The following PRKCQ variants were observed in gnomAD, a reference collection of about 807,000 sequenced individuals.
PRKCQ encodes protein kinase C theta.
Under a neutral mutation model 91.2 loss-of-function variants are expected in PRKCQ, and 41 were observed. That is an observed-to-expected ratio of 0.45 (90% confidence interval 0.35 to 0.58). The LOEUF (loss-of-function observed/expected upper bound fraction) is 0.58. Ranked by LOEUF, PRKCQ falls within the 20% of genes least tolerant of loss-of-function variation. The pLI, the probability that PRKCQ is intolerant of heterozygous loss-of-function variation, is 0.00. For missense variants in PRKCQ, 673 were observed against 896.5 expected (o/e 0.75, Z 3.18); for synonymous variants, 307 against 316.9 (o/e 0.97, Z 0.33).
chr10:6,491,768 T>G lies in PRKCQ; in HGVS notation c.705A>C (p.Lys235Asn), dbSNP rs1462457667. 3.1e-6 allele frequency: 5 copies of G among 1,614,214 alleles called. No individual in the cohort carries two copies. In the South Asian group the frequency reaches 5.5e-5, roughly 18 times the overall value. The change falls in exon 8 of 18, where the codon AAA becomes AAC. Residue 235 changes from lysine (K) to asparagine (N), a missense_variant. Lys to Asn is a moderately conservative substitution (Grantham distance 94). Transcript: ENST00000263125. ...RFKIDMPHRFKVYNYKSPTFC... is the reference protein window; with the variant it reads ...RFKIDMPHRFNVYNYKSPTFC... ...AGGTCGGGCTCTTGTAATTGTAGAC[T>G]TTAAATCTGTGTGGCATGTCAATTT... is the stretch of plus-strand genomic sequence containing the variant.
the PRKCQ span, among the ~76,000 whole-genome samples, chr10:6,404,689 CTT>C: frequency 1.5e-5 from 2 of 134,786 alleles, no homozygotes; most frequent in African/African-American, 5.9e-5. Flanking sequence ...TTCTTCCTTC[CTT>C]TCTTTCCTTT....
intron 1 of PRKCQ, among the ~76,000 whole-genome samples, chr10:6,555,313 G>T (rs567683046): frequency 7.2e-5 from 11 of 151,754 alleles, no homozygotes; most frequent in African/African-American, 2.4e-4. Flanking sequence ...CCTCGAGAAG[G>T]ATCTGTTCAT....
At chr10:6,506,655 A>C (rs1287533541) in intron 4 of PRKCQ, among the ~76,000 whole-genome samples, 3 of 152,202 alleles carry the variant, frequency 2.0e-5, no homozygotes, top group Non-Finnish European at 4.4e-5. Context: ...TATTTGTTTG[A>C]ATTTAGACAC....
At chr10:6,579,746 A>C (rs1588445731) in intron 1 of PRKCQ, among the ~76,000 whole-genome samples, 2 of 137,296 alleles carry the variant, frequency 1.5e-5, no homozygotes, top group Non-Finnish European at 3.1e-5. Flanking sequence ...GAGCAATGGC[A>C]CCCCCGTCCG....
chr10:6,488,426 C>T (rs111580529), intron 8 of PRKCQ, among the ~76,000 whole-genome samples: 32,749 of 150,744 alleles, frequency 0.22, 4,082 homozygotes, highest in Non-Finnish European at 0.29. Flanking sequence ...CGCTGTGTCA[C>T]CCAGGCTGGA....
In PRKCQ at chr10:6,464,423, A is replaced by C; in HGVS notation, c.1354-19T>G. On this transcript the variant is annotated intron_variant, in intron 12 of 17. Coordinates refer to ENST00000263125, the MANE Select transcript of PRKCQ (RefSeq NM_006257.5). ...GGTTTTCCTGTGGAAAAACAAAACA[A>C]TTCCAACTTTTATTTCATTTCATTT... 1 of 1,536,634 alleles carries C rather than the reference A, an allele frequency of 6.5e-7. No individual in the cohort carries two copies. Among genetic ancestry groups the C allele is most frequent in the Non-Finnish European group, 8.9e-7 (1 of 1,120,934 alleles).
At chr10:6,454,948 G>A (rs1285165090) in intron 15 of PRKCQ, among the ~76,000 whole-genome samples, 3 of 152,150 alleles carry the variant, frequency 2.0e-5, no homozygotes, top group African/African-American at 4.8e-5. Context: ...GATGGAAATC[G>A]GGAAGGAAGG....
Position 6,486,076 on chromosome 10 carries a change from G to A in PRKCQ, c.859C>T (p.Leu287=). 6.2e-7 allele frequency: 1 copy of A among 1,614,182 alleles called. No homozygotes were observed. The highest frequency in any genetic ancestry group is 8.5e-7 in the Non-Finnish European group (1 of 1,180,044). ...VANLCGINQK[L]MAEALAMIES... is the part of the protein sequence containing the mutation. ...ATCATGGCCAGCGCTTCAGCCATTA[G>A]CTTCTGGTTTATGCCACAAAGGTTG... The change falls in exon 9 of 18, where the codon CTA becomes TTA. Residue 287 remains leucine, a synonymous_variant. Transcript: ENST00000263125.
At chr10:6,565,367 T>C (rs1478970491) in intron 1 of PRKCQ, among the ~76,000 whole-genome samples, 1 of 152,232 alleles carries the variant, frequency 6.6e-6, no homozygotes, top group African/African-American at 2.4e-5. Flanking sequence ...AAGGCTGTTC[T>C]CTCAAGAGAA....
intron 1 of PRKCQ, among the ~76,000 whole-genome samples, chr10:6,538,530 G>A (rs1839664484): frequency 6.6e-6 from 1 of 152,202 alleles, no homozygotes; most frequent in African/African-American, 2.4e-5. Context: ...TTCAAACCAA[G>A]ATGCCCCCTC....
At chr10:6,466,181 G>A (rs905810602) in intron 12 of PRKCQ, among the ~76,000 whole-genome samples, 1 of 152,224 alleles carries the variant, frequency 6.6e-6, no homozygotes, top group South Asian at 2.1e-4. Flanking sequence ...GTGTTTGGAT[G>A]CTTACAAATT....
At chr10:6,396,072 T>C in the PRKCQ span, among the ~76,000 whole-genome samples, 2 of 152,178 alleles carry the variant, frequency 1.3e-5, no homozygotes, top group Non-Finnish European at 2.9e-5. Context: ...CAAATGGCGA[T>C]CGATAATGAT....
chr10:6,559,435 T>G (rs921524873), intron 1 of PRKCQ, among the ~76,000 whole-genome samples: 2 of 152,180 alleles, frequency 1.3e-5, no homozygotes, highest in African/African-American at 4.8e-5. Context: ...TTCGGCTCAC[T>G]GCAATTTCCA....
At chr10:6,452,370 A>C (rs1090702) in intron 15 of PRKCQ, among the ~76,000 whole-genome samples, 29 of 151,548 alleles carry the variant, frequency 1.9e-4, no homozygotes, top group South Asian at 1.9e-3. Flanking sequence ...TACAAGGGAC[A>C]TGAAGGACCT....
At position 6,442,176 on chromosome 10, in the gene PRKCQ, G is replaced by A. The variant is rs867719274; in HGVS notation, c.1648-95C>T. 1.0e-4 allele frequency: 124 copies of A among 1,209,292 alleles called. 1 individual carries two copies. In the Middle Eastern group the frequency reaches 3.2e-3, roughly 31 times the overall value. The allele number at this position is 1,209,292 out of a possible 1,614,324, so 74.9% of individuals were successfully genotyped here. A position where few individuals can be genotyped will look rare whatever the true frequency, so the allele number is the denominator to read the frequency against. ...TCTCAAGGCCACTCAGTAAATGGTC[G>A]AGGATGATGGTGTGCAAGAAAGATC... is the stretch of plus-strand genomic sequence containing the variant. On this transcript the variant is annotated intron_variant, in intron 15 of 17. Transcript: ENST00000263125.
intron 15 of PRKCQ, among the ~76,000 whole-genome samples, chr10:6,451,464 C>G (rs1235392277): frequency 6.6e-6 from 1 of 152,090 alleles, no homozygotes; most frequent in Non-Finnish European, 1.5e-5. Flanking sequence ...GAGTCTAGGA[C>G]CAGATGGATC....
intron 16 of PRKCQ, 72 bp from the exon 17 acceptor site, chr10:6,431,010 TC>T: frequency 6.5e-7 from 1 of 1,534,944 alleles, no homozygotes; most frequent in South Asian, 1.2e-5. Flanking sequence ...TCGTGGTGCT[TC>T]CTGGTGCACC....
chr10:6,462,290 A>C lies in PRKCQ; in HGVS notation c.1508+13T>G. On this transcript the variant is annotated intron_variant, in intron 14 of 17. Transcript: ENST00000263125. ...CGATATCTTAGCATTTGTTTCCACA[A>C]AGCAAAATTTACCTGTAGACTATTC... The C allele has an allele frequency of 6.2e-7, 1 of 1,611,322 alleles. No homozygotes were observed.
At chr10:6,563,394 T>C (rs1414283756) in intron 1 of PRKCQ, among the ~76,000 whole-genome samples, 1 of 152,066 alleles carries the variant, frequency 6.6e-6, no homozygotes, top group African/African-American at 2.4e-5. Context: ...GCTCTCCCCA[T>C]GGGGACAGGT....
Sources: gnomAD v4.1 joint callset for allele counts (sites outside exome capture counted in the v4.1 genomes callset) on GRCh38, gnomAD v4.1.1 for gene constraint, MANE v1.5 for transcripts, NCBI Gene and HGNC (gene_info 2026-07-23, HGNC 2026-07-21) for gene names.